Variants in LGALS3BP observed in about 807,000 individuals in gnomAD.
The protein encoded by LGALS3BP is galectin-3-binding protein.
LGALS3BP carries 25 observed loss-of-function variants against 22.9 expected under a neutral mutation model. The ratio of observed to expected loss-of-function variants is 1.09; its 90% CI spans 0.80 to 1.53. LGALS3BP has a LOEUF of 1.53. Ranked by LOEUF, LGALS3BP falls within the 40% of genes most tolerant of loss-of-function variation. LGALS3BP has a pLI of 0.00. For synonymous variants in LGALS3BP, 335 were observed against 331.1 expected (o/e 1.01, Z -0.13); for missense variants, 718 against 752.0 (o/e 0.95, Z 0.53).
At position 78,971,861 on chromosome 17, in the gene LGALS3BP, G is replaced by T; in HGVS notation, c.1473C>A (p.Asn491Lys). The T allele has an allele frequency of 6.2e-7, 1 of 1,614,198 alleles. No homozygotes were observed. Residue 491 changes from asparagine to lysine, a missense_variant, in exon 6 of 6, where the codon AAC becomes AAA. By Grantham distance (94) the Asn-to-Lys change is moderately conservative. Transcript: ENST00000262776. The surrounding 1 kb of genome is among the most constrained non-coding windows in gnomAD (Gnocchi z 5.6). The part of the protein sequence containing the change: ...VYLPTIQSCW[N>K]YGFSCSSDEL... ...CGTCCGAGGAGCAGGAGAAGCCGTA[G>T]TTCCAGCAGCTCTGGATGGTGGGGA...
chr17:78,972,245 C>T lies in LGALS3BP; in HGVS notation c.1089G>A (p.Leu363=). The T allele has an allele frequency of 1.2e-6, 2 of 1,613,790 alleles. No individual in the cohort carries two copies. Among genetic ancestry groups the T allele is most frequent in the Non-Finnish European group, 1.7e-6 (2 of 1,179,976 alleles). The stretch of plus-strand genomic sequence containing the variant: ...GGGCCTCGTGGCTCCAGTACAGGGA[C>T]AGGTTGAACTGCAGCTCAAAGAGCT... ...PEELFELQFN[L]SLYWSHEALF... Residue 363 remains leucine (L), a synonymous_variant, in exon 6 of 6, where the codon CTG becomes CTA. Transcript: ENST00000262776. The surrounding 1 kb of genome is among the most constrained non-coding windows in gnomAD (Gnocchi z 5.1).
intron 1 of LGALS3BP, among the ~76,000 whole-genome samples, chr17:78,978,403 C>T (rs908521532): frequency 2.6e-5 from 4 of 152,218 alleles, no homozygotes; most frequent in African/African-American, 4.8e-5. Context: ...GAGGCCTTAC[C>T]GTGACCCTGA....
rs753865947 is a variant in LGALS3BP, at chr17:78,971,563, T to G, written c.*13A>C. ...GGGGTTCTCCGGTTCTCACCACCCT[T>G]GGGCCACGCCGTCTAGTCCACACCT... is the stretch of plus-strand genomic sequence containing the variant. On this transcript the variant is annotated 3_prime_UTR_variant, in exon 6 of 6. Coordinates refer to ENST00000262776, the MANE Select transcript of LGALS3BP (RefSeq NM_005567.4). This position sits in a 1 kb window ranked among gnomAD's most constrained non-coding sequence, Gnocchi z 5.6. 3.7e-6 allele frequency: 6 copies of G among 1,606,726 alleles called. No individual in the cohort carries two copies. In the African/African-American group the frequency reaches 8.0e-5, roughly 21 times the overall value.
intron 3 of LGALS3BP, chr17:78,975,073 G>A: frequency 2.0e-6 from 1 of 500,878 alleles, no homozygotes; most frequent in Non-Finnish European, 3.6e-6. Context: ...TAGTAATTGT[G>A]TGACTATCCC....
Position 78,972,537 on chromosome 17 carries a change from T to C in LGALS3BP, c.797A>G (p.Tyr266Cys). 1 of 1,611,370 alleles carries C rather than the reference T, an allele frequency of 6.2e-7. No homozygotes were observed. The highest frequency in any genetic ancestry group is 1.3e-5 in the African/African-American group (1 of 75,002). Reference sequence around the variant, plus strand: ...CAGGGCGTCCCCTGTGGCCACTGCATAGGCATACAGGTCCAGGGGCATCTG... The same window carrying C: ...CAGGGCGTCCCCTGTGGCCACTGCACAGGCATACAGGTCCAGGGGCATCTG... ...SFQMPLDLYA[Y>C]AVATGDALLE... is the part of the protein sequence containing the mutation. The change falls in exon 6 of 6, where the codon TAT becomes TGT. Residue 266 changes from tyrosine (Y) to cysteine (C), a missense_variant. Tyr to Cys is a radical substitution (Grantham distance 194, BLOSUM62 -2). Transcript: ENST00000262776. This position sits in a 1 kb window ranked among gnomAD's most constrained non-coding sequence, Gnocchi z 5.1.
chr17:78,972,442 T>A lies in LGALS3BP; in HGVS notation c.892A>T (p.Ser298Cys). Reference protein sequence around the residue: ...EALTQAEAWPSVPTDLLQLLL... With the variant: ...EALTQAEAWPCVPTDLLQLLL... ...AGTTGGAGCAGGTCTGTGGGGACAC[T>A]GGGCCAGGCCTCGGCCTGCGTCAAG... Residue 298 changes from serine (S) to cysteine (C), a missense_variant, in exon 6 of 6, where the codon AGT (serine) becomes TGT (cysteine). Physicochemically the swap from Ser to Cys is moderately radical, Grantham distance 112. Transcript: ENST00000262776. The surrounding 1 kb of genome is among the most constrained non-coding windows in gnomAD (Gnocchi z 5.1). 6.2e-7 allele frequency: 1 copy of A among 1,613,398 alleles called. No individual in the cohort carries two copies. Among genetic ancestry groups the A allele is most frequent in the African/African-American group, 1.3e-5 (1 of 75,052 alleles).
At position 78,973,635 on chromosome 17, in the gene LGALS3BP, C is replaced by A. The variant is rs1243899164; in HGVS notation, c.377-413G>T. Among the ~76,000 whole-genome samples, 2 of 152,152 alleles carry A rather than the reference C, an allele frequency of 1.3e-5. No homozygotes were observed. The highest frequency in any genetic ancestry group is 2.9e-5 in the Non-Finnish European group (2 of 68,026). ...CTGAAAAGTTAGGGTCCTGTGGCAA[C>A]CCCATTTTAGAACTCCGGGGGTCCT... On this transcript the variant is annotated intron_variant, in intron 4 of 5. Transcript: ENST00000262776. The surrounding 1 kb of genome is among the most constrained non-coding windows in gnomAD (Gnocchi z 5.8).
intron 1 of LGALS3BP, among the ~76,000 whole-genome samples, chr17:78,979,263 G>A (rs2070745183): frequency 6.6e-6 from 1 of 152,274 alleles, no homozygotes; most frequent in Admixed American, 6.5e-5. Context: ...GTCTGAGAGA[G>A]GGCCAAGCTG....
Position 78,972,975 on chromosome 17 carries a change from AAG to A in LGALS3BP, c.622_623del (p.Leu208SerfsTer10). 6.2e-7 allele frequency: 1 copy of A among 1,602,306 alleles called. No individual in the cohort carries two copies. The highest frequency in any genetic ancestry group is 8.5e-7 in the Non-Finnish European group (1 of 1,170,952). On this transcript the variant is annotated frameshift_variant, in exon 5 of 6. Coordinates refer to ENST00000262776, the MANE Select transcript of LGALS3BP (RefSeq NM_005567.4). LOFTEE classifies it low-confidence loss of function (END_TRUNC). The surrounding 1 kb of genome is among the most constrained non-coding windows in gnomAD (Gnocchi z 5.1). ...CTGAGGACGAGACGGCTCACCTGAGAAGGTCCCTGACCATGGGCACACACTCA... is the reference window on the plus strand; with the variant it reads ...CTGAGGACGAGACGGCTCACCTGAGAGTCCCTGACCATGGGCACACACTCA... ...DAECVPMVRDLLRYFYSRRID... is the reference protein window; with the variant it reads ...DAECVPMVRDXLRYFYSRRID...
intron 1 of LGALS3BP, among the ~76,000 whole-genome samples, chr17:78,979,109 C>T (rs747257847): frequency 6.6e-6 from 1 of 152,024 alleles, no homozygotes; most frequent in Non-Finnish European, 1.5e-5. Flanking sequence ...CAGGTGGCGT[C>T]GCTGCCCTTT....
Position 78,974,685 on chromosome 17 carries a change from C to A in LGALS3BP, c.376+3G>T, listed in dbSNP as rs760764373. ...CTCCGCAGGGAGGTGCGCCCCCGCTCACCATTGGTGCAGACCACACCAGCG... is the reference window on the plus strand; with the variant it reads ...CTCCGCAGGGAGGTGCGCCCCCGCTAACCATTGGTGCAGACCACACCAGCG... On this transcript the variant is annotated splice_donor_region_variant and intron_variant, in intron 4 of 5. Transcript: ENST00000262776. The A allele has an allele frequency of 1.2e-6, 2 of 1,612,294 alleles. No homozygotes were observed. Among genetic ancestry groups the A allele is most frequent in the African/African-American group, 2.7e-5 (2 of 75,028 alleles).
In LGALS3BP at chr17:78,972,454, C is replaced by T. The variant is rs144649043; in HGVS notation, c.880G>A (p.Glu294Lys). The change falls in exon 6 of 6, where the codon GAG becomes AAG. Residue 294 changes from glutamate (E) to lysine (K), a missense_variant. Transcript: ENST00000262776. The surrounding 1 kb of genome is among the most constrained non-coding windows in gnomAD (Gnocchi z 5.1). ...AWNFEALTQA[E>K]AWPSVPTDLL... ...TCTGTGGGGACACTGGGCCAGGCCT[C>T]GGCCTGCGTCAAGGCCTCGAAGTTC... The T allele has an allele frequency of 1.8e-5, 29 of 1,613,404 alleles. No individual in the cohort carries two copies. The highest frequency in any genetic ancestry group is 1.3e-4 in the Admixed American group (8 of 60,030).
Position 78,975,962 on chromosome 17 carries a change from T to TA in LGALS3BP, c.244+2dup. On this transcript the variant is annotated splice_region_variant and intron_variant, in intron 3 of 5. Coordinates refer to ENST00000262776, the MANE Select transcript of LGALS3BP (RefSeq NM_005567.4). ...CTCAGTGGAAGGGGACAGCAGGCCC[T>TA]ACCTTGCCCGAAGGCAGCTCTGCCC... 6.2e-7 allele frequency: 1 copy of TA among 1,601,238 alleles called. No homozygotes were observed. The highest frequency in any genetic ancestry group is 8.5e-7 in the Non-Finnish European group (1 of 1,174,152).
Position 78,972,200 on chromosome 17 carries a change from CAG to C in LGALS3BP, c.1132_1133del (p.Leu378AlafsTer67). On this transcript the variant is annotated frameshift_variant, in exon 6 of 6. Transcript: ENST00000262776. LOFTEE classifies it low-confidence loss of function (END_TRUNC). This position sits in a 1 kb window ranked among gnomAD's most constrained non-coding sequence, Gnocchi z 5.1. ...SHEALFQKKT[L>X]QALEFHTVPF... ...GCACAGTGTGGAATTCCAGGGCCTG[CAG>C]AGTCTTCTTCTGGAACAGGGCCTCG... 8 of 1,613,992 alleles carry C rather than the reference CAG, an allele frequency of 5.0e-6. No individual in the cohort carries two copies. Among genetic ancestry groups the C allele is most frequent in the Non-Finnish European group, 6.8e-6 (8 of 1,180,024 alleles).
In LGALS3BP at chr17:78,976,165, A is replaced by G. The variant is rs768133384; in HGVS notation, c.53-9T>C. On this transcript the variant is annotated splice_polypyrimidine_tract_variant and intron_variant, in intron 2 of 5. Coordinates refer to ENST00000262776, the MANE Select transcript of LGALS3BP (RefSeq NM_005567.4). This position sits in a 1 kb window ranked among gnomAD's most constrained non-coding sequence, Gnocchi z 4.6. Reference sequence around the variant, plus strand: ...GTCACCATCGTTCACGCCTGCAGGCAGAGACCAGCGAGGGCGAGGCTGGGG... The same window carrying G: ...GTCACCATCGTTCACGCCTGCAGGCGGAGACCAGCGAGGGCGAGGCTGGGG... 45 of 1,560,354 alleles carry G rather than the reference A, an allele frequency of 2.9e-5. No individual in the cohort carries two copies. In the African/African-American group the frequency reaches 5.8e-4, roughly 20 times the overall value.
chr17:78,977,024 G>T (rs1018990578), intron 2 of LGALS3BP, 116 bp downstream of exon 2: 3 of 1,051,460 alleles, frequency 2.9e-6, no homozygotes, highest in Non-Finnish European at 4.3e-6. Flanking sequence ...AGAAGATCTG[G>T]CTAACCGCTG....
rs1461435141 is a variant in LGALS3BP at position 78,972,641 on chromosome 17, G to T, written c.693C>A (p.Ala231=). The change falls in exon 6 of 6, where the codon GCC becomes GCA. Residue 231 remains alanine, a synonymous_variant. Coordinates refer to ENST00000262776, the MANE Select transcript of LGALS3BP (RefSeq NM_005567.4). The surrounding 1 kb of genome is among the most constrained non-coding windows in gnomAD (Gnocchi z 5.1). ...LSSVKCFHKL[A]SAYGARQLQG... Reference sequence around the variant, plus strand: ...GCAGCTGCCTGGCCCCATAGGCAGAGGCCAGCTTGTGGAAGCACTTGACTG... The same window carrying T: ...GCAGCTGCCTGGCCCCATAGGCAGATGCCAGCTTGTGGAAGCACTTGACTG... 1 of 1,537,400 alleles carries T rather than the reference G, an allele frequency of 6.5e-7. No individual in the cohort carries two copies. Among genetic ancestry groups the T allele is most frequent in the Non-Finnish European group, 8.8e-7 (1 of 1,141,700 alleles).
In LGALS3BP at chr17:78,976,253, G is replaced by T; in HGVS notation, c.53-97C>A. On this transcript the variant is annotated intron_variant, in intron 2 of 5. Coordinates refer to ENST00000262776, the MANE Select transcript of LGALS3BP (RefSeq NM_005567.4). The surrounding 1 kb of genome is among the most constrained non-coding windows in gnomAD (Gnocchi z 4.6). The stretch of plus-strand genomic sequence containing the variant: ...TGCTGTCCTGGGTCTCCCCTGCTGA[G>T]CTTGTATTTCAGGGCTTCAAGGTCC... The T allele has an allele frequency of 8.8e-7, 1 of 1,139,968 alleles. No homozygotes were observed. Among genetic ancestry groups the T allele is most frequent in the Non-Finnish European group, 1.2e-6 (1 of 832,246 alleles). The allele number at this position is 1,139,968 out of a possible 1,614,324, so 70.6% of individuals were successfully genotyped here. A position where few individuals can be genotyped will look rare whatever the true frequency, so the allele number is the denominator to read the frequency against.
Position 78,971,396 on chromosome 17 carries a change from T to C in LGALS3BP, c.*180A>G. 1 of 616,900 alleles carries C rather than the reference T, an allele frequency of 1.6e-6. No homozygotes were observed. The highest frequency in any genetic ancestry group is 2.8e-6 in the Non-Finnish European group (1 of 356,098). The allele number at this position is 616,900 out of a possible 1,614,324, so 38.2% of individuals were successfully genotyped here. ...ACTGGTGAGGTGGTGGGAGAACTCC[T>C]GGTGGACCCTAGTGGAAGCCTTCCA... On this transcript the variant is annotated 3_prime_UTR_variant, in exon 6 of 6. Coordinates refer to ENST00000262776, the MANE Select transcript of LGALS3BP (RefSeq NM_005567.4). The surrounding 1 kb of genome is among the most constrained non-coding windows in gnomAD (Gnocchi z 5.6).
Sources: allele counts gnomAD v4.1 joint callset (sites outside exome capture counted in the v4.1 genomes callset), GRCh38; gene constraint gnomAD v4.1.1; non-coding constraint Gnocchi (gnomAD v3.1); transcripts MANE v1.5; gene names NCBI Gene and HGNC (gene_info 2026-07-23, HGNC 2026-07-21).